The following TRABD variants were observed in gnomAD, a reference collection of about 807,000 sequenced individuals.
The protein encoded by TRABD is traB domain-containing protein.
In TRABD, 23 loss-of-function variants were observed where a neutral mutation model predicts 39.6. The observed-to-expected ratio is 0.58, with a 90% confidence interval of 0.42 to 0.82. The LOEUF (loss-of-function observed/expected upper bound fraction) is 0.82, where lower values mean the gene tolerates loss of function less well. TRABD is among the 40% of genes least tolerant of loss of function. The probability of loss-of-function intolerance (pLI) is 0.00; values close to 1 mark genes in which losing one functional copy is unlikely to be tolerated. For synonymous variants in TRABD, 243 were observed against 232.1 expected (o/e 1.05, Z -0.43); for missense variants, 487 against 544.9 (o/e 0.89, Z 1.06).
intron 7 of TRABD, 32 bp from the exon 8 acceptor site, chr22:50,197,791 C>T: frequency 9.6e-7 from 1 of 1,038,872 alleles, no homozygotes; most frequent in Non-Finnish European, 1.4e-6. Context: ...CGTTGCCCAT[C>T]CCTGCGGGGC....
intron 1 of TRABD, chr22:50,190,660 C>T (rs1326748218): frequency 1.3e-5 from 2 of 152,564 alleles, no homozygotes; most frequent in African/African-American, 4.8e-5. Flanking sequence ...TGAGTTTCCC[C>T]CGTGCGCCCC....
At chr22:50,193,883 C>A (rs990930187) in intron 3 of TRABD, among the ~76,000 whole-genome samples, 1 of 11,146 alleles carries the variant, frequency 9.0e-5, no homozygotes, top group African/African-American at 2.1e-3. Flanking sequence ...CACAGGCAGG[C>A]CCCTGGGCAT....
chr22:50,197,771 C>CCCCTT, intron 7 of TRABD, 52 bp from the exon 8 acceptor site: 1 of 1,347,210 alleles, frequency 7.4e-7, no homozygotes, highest in Non-Finnish European at 1.1e-6. Context: ...CCAGCCCCAC[C>CCCCTT]CCCCCAGCCC....
chr22:50,194,533 G>C, intron 4 of TRABD, 27 bp downstream of exon 4: 2 of 1,562,226 alleles, frequency 1.3e-6, no homozygotes, highest in Non-Finnish European at 1.7e-6. Context: ...GCCACATCCC[G>C]GACACGGGTT....
intron 1 of TRABD, among the ~76,000 whole-genome samples, chr22:50,190,121 G>A (rs1220783387): frequency 6.6e-6 from 1 of 152,194 alleles, no homozygotes; most frequent in East Asian, 1.9e-4. Flanking sequence ...AAGAGTGACT[G>A]TCAGAGACGT....
At position 50,194,278 on chromosome 22, in the gene TRABD, G is replaced by A. The variant is rs970839134; in HGVS notation, c.113-62G>A. The A allele has an allele frequency of 2.5e-6, 4 of 1,570,986 alleles. No individual in the cohort carries two copies. The African/African-American group carries it at 4.1e-5, about 16-fold the overall frequency. On this transcript the variant is annotated intron_variant, in intron 3 of 9. Coordinates refer to ENST00000380909, the MANE Select transcript of TRABD (RefSeq NM_001320485.2). Reference sequence around the variant, plus strand: ...GAGGGTTCTAGAGCCCAGGCTGCCAGCGGGCCCGGCGGCGTCCTTGGGGTG... The same window carrying A: ...GAGGGTTCTAGAGCCCAGGCTGCCAACGGGCCCGGCGGCGTCCTTGGGGTG...
At chr22:50,188,814 A>G (rs1017656280) in intron 1 of TRABD, among the ~76,000 whole-genome samples, 3 of 152,118 alleles carry the variant, frequency 2.0e-5, no homozygotes, top group Non-Finnish European at 4.4e-5. Context: ...CCTGCGGGAC[A>G]TTTCGGATGC....
chr22:50,197,221 C>A lies in TRABD; in HGVS notation c.421-20C>A, dbSNP rs1386478494. The A allele has an allele frequency of 6.2e-6, 10 of 1,609,912 alleles. No individual in the cohort carries two copies. In the East Asian group the frequency reaches 2.2e-4, roughly 36 times the overall value. On this transcript the variant is annotated intron_variant, in intron 5 of 9. Transcript: ENST00000380909. ...CCCGCACCCGCCCCTCCAGCTGATG[C>A]CTGCTCCCTCTCTCTGCAGAACGGG...
chr22:50,195,913 A>G (rs1416010302), intron 5 of TRABD, among the ~76,000 whole-genome samples: 1 of 152,234 alleles, frequency 6.6e-6, no homozygotes, highest in East Asian at 1.9e-4. Context: ...TAATTTCTCC[A>G]GATGAGGCAA....
Position 50,198,578 on chromosome 22 carries a change from G to C in TRABD, c.*59G>C. 2 of 1,435,458 alleles carry C rather than the reference G, an allele frequency of 1.4e-6. No individual in the cohort carries two copies. The highest frequency in any genetic ancestry group is 1.8e-6 in the Non-Finnish European group (2 of 1,094,934). The allele number at this position is 1,435,458 out of a possible 1,614,324, so 88.9% of individuals were successfully genotyped here. The stretch of plus-strand genomic sequence containing the variant: ...AGCCAGTGCCCCCGCGGCACTTCTG[G>C]GTGCCAGGTGCATCCTAGCCCGCCC... On this transcript the variant is annotated 3_prime_UTR_variant, in exon 10 of 10. Transcript: ENST00000380909. This position sits in a 1 kb window ranked among gnomAD's most constrained non-coding sequence, Gnocchi z 7.9.
Position 50,199,165 on chromosome 22 carries a change from G to A in TRABD, c.*646G>A, listed in dbSNP as rs1179638877. 2.8e-6 allele frequency: 2 copies of A among 718,830 alleles called. No homozygotes were observed. Among genetic ancestry groups the A allele is most frequent in the African/African-American group, 3.5e-5 (2 of 57,342 alleles). 44.5% of individuals were successfully genotyped at this position (718,830 alleles called of 1,614,324 possible). On this transcript the variant is annotated 3_prime_UTR_variant, in exon 10 of 10. Coordinates refer to ENST00000380909, the MANE Select transcript of TRABD (RefSeq NM_001320485.2). ...AAAAACACCAGCCTTAAATCCAAAG[G>A]GAGAGAATTCGTGTTCTTGGGTCTG...
At chr22:50,188,229 C>A (rs910814696) in intron 1 of TRABD, among the ~76,000 whole-genome samples, 5 of 152,078 alleles carry the variant, frequency 3.3e-5, no homozygotes, top group Non-Finnish European at 5.9e-5. Context: ...TTGCAGTGAG[C>A]CAAGATCACG....
rs1447854213 is a variant in TRABD, at chr22:50,198,218, C to T, written c.956+32C>T. ...GCCCGCCCCTCCCTGCAAGCCCCACCCCACAAGCCCCCAGGTGGAGGCTGA... is the reference window on the plus strand; with the variant it reads ...GCCCGCCCCTCCCTGCAAGCCCCACTCCACAAGCCCCCAGGTGGAGGCTGA... On this transcript the variant is annotated intron_variant, in intron 9 of 9. Coordinates refer to ENST00000380909, the MANE Select transcript of TRABD (RefSeq NM_001320485.2). This position sits in a 1 kb window ranked among gnomAD's most constrained non-coding sequence, Gnocchi z 7.9. 3 of 1,575,978 alleles carry T rather than the reference C, an allele frequency of 1.9e-6. No individual in the cohort carries two copies. The highest frequency in any genetic ancestry group is 2.6e-6 in the Non-Finnish European group (3 of 1,158,762).
chr22:50,188,915 G>A (rs1033015866), intron 1 of TRABD, among the ~76,000 whole-genome samples: 2 of 152,210 alleles, frequency 1.3e-5, no homozygotes, highest in African/African-American at 2.4e-5. Context: ...CTAACGGATG[G>A]GCTTTTGCGC....
rs2063844307 is a variant in TRABD, at chr22:50,189,700, ACCCCAGG to A, written c.-34-3326_-34-3320del. Among the ~76,000 whole-genome samples, 5 of 151,012 alleles carry A rather than the reference ACCCCAGG, an allele frequency of 3.3e-5. No homozygotes were observed. The South Asian group carries it at 1.0e-3, about 32-fold the overall frequency. The stretch of plus-strand genomic sequence containing the variant: ...GGTGGCTGCAGCGTGCGCTGGCCGG[ACCCCAGG>A]TGATGCTCTGCTGGGACCCAGAGGG... On this transcript the variant is annotated intron_variant, in intron 1 of 9. Transcript: ENST00000380909.
Position 50,197,193 on chromosome 22 carries a change from A to ACCCCCCCCCC in TRABD, c.421-43_421-42insCCCCCCCCCC. On this transcript the variant is annotated intron_variant, in intron 5 of 9. Transcript: ENST00000380909. Reference sequence around the variant, plus strand: ...CCCAGTTCTGCCATTCCCCCAGCGCACCCCCGCACCCGCCCCTCCAGCTGA... The same window carrying ACCCCCCCCCC: ...CCCAGTTCTGCCATTCCCCCAGCGCACCCCCCCCCCCCCCCGCACCCGCCCCTCCAGCTGA... The ACCCCCCCCCC allele has an allele frequency of 2.6e-6, 4 of 1,560,182 alleles. No individual in the cohort carries two copies. In the African/African-American group the frequency reaches 4.3e-5, roughly 17 times the overall value.
Position 50,197,590 on chromosome 22 carries a change from T to C in TRABD, c.671+2T>C. The C allele has an allele frequency of 6.2e-7, 1 of 1,612,618 alleles. No individual in the cohort carries two copies. Among genetic ancestry groups the C allele is most frequent in the Non-Finnish European group, 8.5e-7 (1 of 1,179,700 alleles). On this transcript the variant is annotated splice_donor_variant, in intron 7 of 9. Coordinates refer to ENST00000380909, the MANE Select transcript of TRABD (RefSeq NM_001320485.2). LOFTEE classifies it high-confidence loss of function. Reference sequence around the variant, plus strand: ...GTGCTTCCTGTCAGACCCCATCAGGTAGGGCTGCCCCCGGGACCCTGGCCG... The same window carrying C: ...GTGCTTCCTGTCAGACCCCATCAGGCAGGGCTGCCCCCGGGACCCTGGCCG...
intron 7 of TRABD, 59 bp from the exon 8 acceptor site, chr22:50,197,764 G>GGCCCCCCCCCCCCCCC: frequency 2.3e-6 from 3 of 1,284,768 alleles, no homozygotes; most frequent in Non-Finnish European, 3.4e-6. Context: ...CACAGTGCCA[G>GGCCCCCCCCCCCCCCC]CCCCACCCCC....
rs147889489 is a variant in TRABD, at chr22:50,194,412, G to T, written c.185G>T (p.Arg62Leu). The T allele has an allele frequency of 1.2e-6, 2 of 1,612,752 alleles. No homozygotes were observed. Among genetic ancestry groups the T allele is most frequent in the Non-Finnish European group, 1.7e-6 (2 of 1,179,774 alleles). Residue 62 changes from arginine (R) to leucine (L), a missense_variant, in exon 4 of 10, where the codon CGC becomes CTC. Coordinates refer to ENST00000380909, the MANE Select transcript of TRABD (RefSeq NM_001320485.2). ...CGGCGTCAGCGGCCCAACCTGCCGCGCACTGTGACCCAGTTGGTGGCTGAG... is the reference window on the plus strand; with the variant it reads ...CGGCGTCAGCGGCCCAACCTGCCGCTCACTGTGACCCAGTTGGTGGCTGAG... Reference protein sequence around the residue: ...KRRRQRPNLPRTVTQLVAEDG... With the variant: ...KRRRQRPNLPLTVTQLVAEDG...
Sources: allele counts gnomAD v4.1 joint callset (sites outside exome capture counted in the v4.1 genomes callset), GRCh38; gene constraint gnomAD v4.1.1; non-coding constraint Gnocchi (gnomAD v3.1); transcripts MANE v1.5; gene names NCBI Gene and HGNC (gene_info 2026-07-23, HGNC 2026-07-21).